NFIB: variants seen among roughly 807,000 people sequenced by gnomAD.
NFIB encodes the protein nuclear factor I B, also known as nuclear factor 1 B-type.
A neutral mutation model predicts 61.5 loss-of-function variants in NFIB; 11 were observed. That is an observed-to-expected ratio of 0.18 (90% CI 0.11 to 0.30). NFIB has a LOEUF of 0.30. Among genes scored for constraint, NFIB ranks in the 10% least tolerant of loss-of-function variants. The pLI, the probability that NFIB is intolerant of heterozygous loss-of-function variation, is 1.00. For missense variants in NFIB, 471 were observed against 608.9 expected (o/e 0.77, Z 2.38); for synonymous variants, 260 against 216.5 (o/e 1.20, Z -1.76).
chr9:14,122,565 G>C (rs1766243156), intron 7 of NFIB, among the ~76,000 whole-genome samples: 1 of 152,140 alleles, frequency 6.6e-6, no homozygotes, highest in Non-Finnish European at 1.5e-5. Context: ...CTTTATTTAA[G>C]AAGTATACCC....
At position 14,273,939 on chromosome 9, in the gene NFIB, A is replaced by G. The variant is rs1923777; in HGVS notation, c.562+33050T>C. Among the ~76,000 whole-genome samples the G allele has an allele frequency of 6.5e-3, 997 of 152,326 alleles. 14 individuals carry two copies. The highest frequency in any genetic ancestry group is 0.022 in the African/African-American group (898 of 41,588). ...TGTGACACTCACCACAATTAGCCAC[A>G]GGGAAACAGTCTTTTTTTCACCTCT... is the stretch of plus-strand genomic sequence containing the variant. On this transcript the variant is annotated intron_variant, in intron 2 of 10. Transcript: ENST00000380953.
At chr9:14,226,824 G>A (rs985209824) in intron 2 of NFIB, among the ~76,000 whole-genome samples, 1 of 152,022 alleles carries the variant, frequency 6.6e-6, no homozygotes, top group Admixed American at 6.6e-5. Context: ...AACTCACATG[G>A]GTGGGGAAGT....
At chr9:14,217,902 G>A (rs998684579) in intron 2 of NFIB, among the ~76,000 whole-genome samples, 5 of 152,124 alleles carry the variant, frequency 3.3e-5, no homozygotes. Context: ...AAGTAAATCT[G>A]GGTTAAGTCA....
At chr9:14,423,037 T>A in the NFIB span, among the ~76,000 whole-genome samples, 1 of 152,224 alleles carries the variant, frequency 6.6e-6, no homozygotes, top group African/African-American at 2.4e-5. Context: ...CAAATGATCA[T>A]TTCTATCTCT....
At chr9:14,318,365 C>T (rs1295139321), upstream of NFIB, among the ~76,000 whole-genome samples, 2 of 152,166 alleles carry the variant, frequency 1.3e-5, no homozygotes, top group Non-Finnish European at 2.9e-5. Flanking sequence ...AGGAGCTTGA[C>T]ATCTCAAGTA....
intron 1 of NFIB, among the ~76,000 whole-genome samples, chr9:14,390,686 G>C (rs1466770647): frequency 1.3e-5 from 2 of 152,186 alleles, no homozygotes; most frequent in African/African-American, 4.8e-5. Flanking sequence ...AATGGGATCA[G>C]TGCCTTTTTA....
the NFIB span, among the ~76,000 whole-genome samples, chr9:14,444,350 G>C: frequency 1.3e-5 from 2 of 152,176 alleles, no homozygotes; most frequent in South Asian, 2.1e-4. Flanking sequence ...ACCAGATATA[G>C]AGTTTTAGGT....
intron 2 of NFIB, among the ~76,000 whole-genome samples, chr9:14,252,769 G>T (rs2055785252): frequency 6.6e-6 from 1 of 151,104 alleles, no homozygotes; most frequent in Non-Finnish European, 1.5e-5. Context: ...AGCTTTACAT[G>T]TTCCTGCCAT....
chr9:14,343,320 A>G (rs1190178246), intron 1 of NFIB, among the ~76,000 whole-genome samples: 2 of 152,058 alleles, frequency 1.3e-5, no homozygotes, highest in African/African-American at 4.8e-5. Flanking sequence ...TTTTTCTCTA[A>G]GAGGAGGTGG....
the NFIB span, among the ~76,000 whole-genome samples, chr9:14,460,017 A>C: frequency 6.6e-6 from 1 of 152,142 alleles, no homozygotes; most frequent in Non-Finnish European, 1.5e-5. Flanking sequence ...CCCATTACTG[A>C]GTATATACCC....
At chr9:14,320,207 T>G (rs1228009217) in intron 1 of NFIB, among the ~76,000 whole-genome samples, 2 of 152,360 alleles carry the variant, frequency 1.3e-5, no homozygotes, top group East Asian at 3.9e-4. Context: ...TATGGAACAC[T>G]CAGCTAATCA....
the NFIB span, among the ~76,000 whole-genome samples, chr9:14,488,952 A>G: frequency 0.068 from 10,324 of 152,274 alleles, 486 homozygotes; most frequent in East Asian, 0.15. Context: ...TCAGCATAAC[A>G]TACAGTAGTT....
intron 4 of NFIB, among the ~76,000 whole-genome samples, chr9:14,154,668 T>C (rs2043196318): frequency 6.6e-6 from 1 of 152,148 alleles, no homozygotes; most frequent in South Asian, 2.1e-4. Flanking sequence ...GAGAAGTCTT[T>C]TGGGCATACA....
chr9:14,315,465 C>T (rs1047040116), upstream of NFIB, among the ~76,000 whole-genome samples: 1 of 148,162 alleles, frequency 6.7e-6, no homozygotes, highest in African/African-American at 2.5e-5. Context: ...CCCCCCGGGG[C>T]CCGGGGCGCC....
the NFIB span, among the ~76,000 whole-genome samples, chr9:14,422,460 G>A: frequency 6.6e-6 from 1 of 152,152 alleles, no homozygotes; most frequent in Non-Finnish European, 1.5e-5. Flanking sequence ...AGAAAGTAAG[G>A]CTCCTTTCTC....
At chr9:14,132,769 T>C (rs767585312) in intron 6 of NFIB, among the ~76,000 whole-genome samples, 1 of 152,178 alleles carries the variant, frequency 6.6e-6, no homozygotes, top group Non-Finnish European at 1.5e-5. Context: ...TCTGGCTATA[T>C]TGCCCAGGCT....
At chr9:14,392,810 C>T (rs552890512) in intron 1 of NFIB, among the ~76,000 whole-genome samples, 3 of 152,278 alleles carry the variant, frequency 2.0e-5, no homozygotes, top group South Asian at 2.1e-4. Flanking sequence ...TTTAGCACAG[C>T]GTTTGGCACA....
chr9:14,101,104 G>T (rs1031221892), intron 10 of NFIB, among the ~76,000 whole-genome samples: 26 of 152,278 alleles, frequency 1.7e-4, no homozygotes, highest in Admixed American at 3.3e-4. Flanking sequence ...ATATTTTAAT[G>T]AGATACTTTC....
chr9:14,375,355 T>A (rs1302234041), intron 1 of NFIB, among the ~76,000 whole-genome samples: 2 of 152,182 alleles, frequency 1.3e-5, no homozygotes, highest in Non-Finnish European at 2.9e-5. Flanking sequence ...AAGGAGCTTC[T>A]CCAGAAGTAC....
Sources: allele counts gnomAD v4.1 joint callset (sites outside exome capture counted in the v4.1 genomes callset), GRCh38; gene constraint gnomAD v4.1.1; transcripts MANE v1.5; gene names NCBI Gene and HGNC (gene_info 2026-07-23, HGNC 2026-07-21).